Variants in NACC2 observed in about 807,000 individuals in gnomAD.
The protein encoded by NACC2 is nucleus accumbens-associated protein 2.
Under a neutral mutation model 25.1 loss-of-function variants are expected in NACC2, and 8 were observed. That is an observed-to-expected ratio of 0.32 (90% CI 0.19 to 0.57). The LOEUF is 0.57. Ranked by LOEUF, NACC2 falls within the 20% of genes least tolerant of loss-of-function variation. The pLI, the probability that NACC2 is intolerant of heterozygous loss-of-function variation, is 0.89. For synonymous variants in NACC2, 435 were observed against 294.7 expected, an observed-to-expected ratio of 1.48 and a Z score of -4.88; for missense variants, 644 against 650.2, an observed-to-expected ratio of 0.99 and a Z score of 0.10.
Position 136,016,312 on chromosome 9 carries a change from T to C in NACC2, c.1004A>G (p.Lys335Arg), listed in dbSNP as rs1233429360. The change falls in exon 3 of 6, where the codon AAG becomes AGG. Residue 335 changes from lysine (K) to arginine (R), a missense_variant. Lys to Arg is a conservative substitution (Grantham distance 26, BLOSUM62 2). Coordinates refer to ENST00000277554, the MANE Select transcript of NACC2 (RefSeq NM_144653.5). ...ISQIGYRCHPKLYSEGDPGEK... is the reference protein window; with the variant it reads ...ISQIGYRCHPRLYSEGDPGEK... ...CCCGGGGTCCCCTTCCGAGTAGAGC[T>C]TGGGATGGCAGCGGTATCCGATCTG... 1 of 1,612,652 alleles carries C rather than the reference T, an allele frequency of 6.2e-7. No homozygotes were observed. The highest frequency in any genetic ancestry group is 8.5e-7 in the Non-Finnish European group (1 of 1,180,006).
chr9:136,070,928 A>G (rs1841143159), intron 1 of NACC2, among the ~76,000 whole-genome samples: 1 of 151,828 alleles, frequency 6.6e-6, no homozygotes, highest in Non-Finnish European at 1.5e-5. Flanking sequence ...ATAACGTGGA[A>G]ATAGTAAGAA....
intron 1 of NACC2, among the ~76,000 whole-genome samples, chr9:136,087,179 T>C (rs1830387868): frequency 6.6e-6 from 1 of 152,156 alleles, no homozygotes; most frequent in African/African-American, 2.4e-5. Flanking sequence ...GAGGGCGGCA[T>C]GTGACAAAGT....
chr9:136,013,535 C>T lies in NACC2; in HGVS notation c.1158-239G>A, dbSNP rs1400305785. On this transcript the variant is annotated intron_variant, in intron 4 of 5. Coordinates refer to ENST00000277554, the MANE Select transcript of NACC2 (RefSeq NM_144653.5). The surrounding 1 kb of genome is among the most constrained non-coding windows in gnomAD (Gnocchi z 6.6). ...TGCAAGGTGACCTGAGCCTTGTCCT[C>T]AGGGACTCCGGGGACGTCTGAGGAA... Among the ~76,000 whole-genome samples, 1 of 152,176 alleles carries T rather than the reference C, an allele frequency of 6.6e-6. No homozygotes were observed. The highest frequency in any genetic ancestry group is 1.5e-5 in the Non-Finnish European group (1 of 68,034).
intron 2 of NACC2, among the ~76,000 whole-genome samples, chr9:136,021,855 T>A (rs769730167): frequency 6.6e-6 from 1 of 152,332 alleles, no homozygotes; most frequent in Admixed American, 6.5e-5. Context: ...GATTACATAC[T>A]GGTGATCCCA....
At chr9:136,023,952 C>A (rs887646802) in intron 2 of NACC2, among the ~76,000 whole-genome samples, 4 of 152,346 alleles carry the variant, frequency 2.6e-5, no homozygotes, top group African/African-American at 9.6e-5. Flanking sequence ...CACAAATGCA[C>A]AACCCCCCCC....
chr9:136,027,645 C>T (rs1473022612), intron 2 of NACC2, among the ~76,000 whole-genome samples: 2 of 152,028 alleles, frequency 1.3e-5, no homozygotes, highest in Non-Finnish European at 2.9e-5. Flanking sequence ...AAAAAAATCA[C>T]AAATGACTAG....
At position 136,060,938 on chromosome 9, in the gene NACC2, G is replaced by A. The variant is rs183083474; in HGVS notation, c.-59-10358C>T. ...AGAGACTGGGTACAGGGGTCCGGGG[G>A]AAGGTGAAAGGGGGAGGGGAGGGTG... On this transcript the variant is annotated intron_variant, in intron 1 of 5. Transcript: ENST00000277554. 1.4e-3 allele frequency among the ~76,000 whole-genome samples: 215 copies of A among 152,358 alleles called. 2 individuals are homozygous for A. The highest frequency in any genetic ancestry group is 4.9e-3 in the African/African-American group (205 of 41,596).
intron 1 of NACC2, among the ~76,000 whole-genome samples, chr9:136,090,703 A>C (rs889336614): frequency 2.0e-5 from 3 of 152,162 alleles, no homozygotes; most frequent in African/African-American, 7.2e-5. Flanking sequence ...TTTATTTTCA[A>C]TCAACAAACA....
At chr9:136,040,075 G>A (rs1840605318) in intron 2 of NACC2, among the ~76,000 whole-genome samples, 1 of 152,202 alleles carries the variant, frequency 6.6e-6, no homozygotes, top group African/African-American at 2.4e-5. Context: ...GCTGGGCACA[G>A]GGGCTCACTC....
chr9:136,077,780 A>G (rs1439974189), intron 1 of NACC2, among the ~76,000 whole-genome samples: 1 of 152,266 alleles, frequency 6.6e-6, no homozygotes, highest in Non-Finnish European at 1.5e-5. Flanking sequence ...TGTGCTTAAA[A>G]TTATTTATAA....
At chr9:136,050,623 G>C (rs1193117093) in intron 1 of NACC2, 43 bp from the exon 2 acceptor site, 14 of 686,744 alleles carry the variant, frequency 2.0e-5, no homozygotes, top group Non-Finnish European at 3.2e-5. Flanking sequence ...TCCAGGTCAC[G>C]GGCTCCCCGC....
chr9:136,053,070 C>G (rs1222766519), intron 1 of NACC2, among the ~76,000 whole-genome samples: 1 of 152,250 alleles, frequency 6.6e-6, no homozygotes, highest in Non-Finnish European at 1.5e-5. Context: ...GGTGAGCCCC[C>G]TCCTGCTTGG....
intron 2 of NACC2, among the ~76,000 whole-genome samples, chr9:136,025,339 C>G (rs1840372584): frequency 6.6e-6 from 1 of 152,128 alleles, no homozygotes; most frequent in African/African-American, 2.4e-5. Flanking sequence ...TCCGGCCGTC[C>G]ATAAGAAAGG....
In NACC2 at chr9:136,049,984, G is replaced by A. The variant is rs1363281545; in HGVS notation, c.538C>T (p.Leu180=). 2.3e-4 allele frequency: 152 copies of A among 648,738 alleles called. No homozygotes were observed. Among genetic ancestry groups the A allele is most frequent in the East Asian group, 1.8e-3 (70 of 38,926 alleles). 40.2% of individuals were successfully genotyped at this position (648,738 alleles called of 1,614,324 possible). The change falls in exon 2 of 6, where the codon CTG becomes TTG. Residue 180 remains leucine, a synonymous_variant. Coordinates refer to ENST00000277554, the MANE Select transcript of NACC2 (RefSeq NM_144653.5). ...LTRVKHEAME[L]PPAGPGLAPK... is the part of the protein sequence containing the mutation. ...GCCAGGCCTGGGCCGGCCGGCGGCAGCTCCATGGCTTCATGCTTTACTCGG... is the reference window on the plus strand; with the variant it reads ...GCCAGGCCTGGGCCGGCCGGCGGCAACTCCATGGCTTCATGCTTTACTCGG...
chr9:136,027,233 C>CA (rs1386139039), intron 2 of NACC2, among the ~76,000 whole-genome samples: 1 of 151,678 alleles, frequency 6.6e-6, no homozygotes, highest in Non-Finnish European at 1.5e-5. Context: ...TCAAAACAAA[C>CA]AAAAAAAATT....
In NACC2 at chr9:136,020,779, CACAG is replaced by C. The variant is rs900973054; in HGVS notation, c.887-4354_887-4351del. 3.0e-4 allele frequency among the ~76,000 whole-genome samples: 46 copies of C among 152,240 alleles called. No individual in the cohort carries two copies. Among genetic ancestry groups the C allele is most frequent in the African/African-American group, 1.1e-3 (45 of 41,538 alleles). ...GGTCAATGGCACAGAATAGGAGACC[CACAG>C]ACAGACCCACATGGCCATGCTCGAT... On this transcript the variant is annotated intron_variant, in intron 2 of 5. Transcript: ENST00000277554. The surrounding 1 kb of genome is among the most constrained non-coding windows in gnomAD (Gnocchi z 4.7).
intron 2 of NACC2, among the ~76,000 whole-genome samples, chr9:136,024,545 TGAGGA>T (rs1840358593): frequency 7.5e-6 from 1 of 132,656 alleles, no homozygotes; most frequent in Admixed American, 8.1e-5. Flanking sequence ...ACAGTGTGTG[TGAGGA>T]CAGTGTGTGT....
intron 1 of NACC2, among the ~76,000 whole-genome samples, chr9:136,051,706 G>C (rs1187527668): frequency 6.6e-6 from 1 of 152,136 alleles, no homozygotes; most frequent in Admixed American, 6.5e-5. Context: ...CTGCGGAGAA[G>C]TTGCCGGCCG....
intron 2 of NACC2, among the ~76,000 whole-genome samples, chr9:136,046,774 G>C (rs1282277415): frequency 6.6e-6 from 1 of 152,238 alleles, no homozygotes; most frequent in Non-Finnish European, 1.5e-5. Flanking sequence ...CCTGGAGGGA[G>C]GGAGGAGAGG....
Sources: gnomAD v4.1 joint callset for allele counts (sites outside exome capture counted in the v4.1 genomes callset) on GRCh38, gnomAD v4.1.1 for gene constraint, Gnocchi (gnomAD v3.1) non-coding constraint, MANE v1.5 for transcripts, NCBI Gene and HGNC (gene_info 2026-07-23, HGNC 2026-07-21) for gene names.